PTPRD: variants seen among roughly 807,000 people sequenced by gnomAD.
PTPRD encodes protein tyrosine phosphatase receptor type D, also known as receptor-type tyrosine-protein phosphatase delta.
A neutral mutation model predicts 214.5 loss-of-function variants in PTPRD; 34 were observed. The observed-to-expected ratio is 0.16, with a 90% CI of 0.12 to 0.21. The LOEUF (loss-of-function observed/expected upper bound fraction) is 0.21. Among genes scored for constraint, PTPRD ranks in the 10% least tolerant of loss-of-function variants. The pLI is 1.00. For missense variants in PTPRD, 2,545 were observed against 2,398.7 expected (o/e 1.06, Z -1.27); for synonymous variants, 1,128 against 845.7 (o/e 1.33, Z -5.79).
chr9:9,557,230 G>T (rs2081757973), intron 8 of PTPRD, among the ~76,000 whole-genome samples: 2 of 152,124 alleles, frequency 1.3e-5, no homozygotes, highest in Non-Finnish European at 2.9e-5. Flanking sequence ...TGATGGAAGG[G>T]GGGAAGGGTG....
intron 21 of PTPRD, among the ~76,000 whole-genome samples, chr9:8,510,407 G>A (rs1379631757): frequency 2.0e-5 from 3 of 152,198 alleles, no homozygotes; most frequent in South Asian, 2.1e-4. Flanking sequence ...CTGGGGCCCG[G>A]TGGAGAGTGC....
chr9:9,503,183 C>T (rs750441677), intron 8 of PTPRD, among the ~76,000 whole-genome samples: 8 of 151,684 alleles, frequency 5.3e-5, no homozygotes, highest in African/African-American at 9.7e-5. Context: ...CTCTCAGATA[C>T]TCCTTTTTGA....
intron 5 of PTPRD, among the ~76,000 whole-genome samples, chr9:9,869,272 G>T (rs562652735): frequency 6.6e-6 from 1 of 152,224 alleles, no homozygotes; most frequent in South Asian, 2.1e-4. Flanking sequence ...TGGAAGTCTT[G>T]CTAACAAATG....
chr9:10,362,628 T>C (rs148963425), intron 2 of PTPRD, among the ~76,000 whole-genome samples: 3 of 152,250 alleles, frequency 2.0e-5, no homozygotes, highest in African/African-American at 7.2e-5. Flanking sequence ...ACGCCTGGAA[T>C]CCCAGCACTT....
In PTPRD at chr9:10,146,520, T is replaced by C. The variant is rs186183634; in HGVS notation, c.-544-112730A>G. 8.1e-4 allele frequency among the ~76,000 whole-genome samples: 124 copies of C among 152,234 alleles called. 3 individuals are homozygous for C. The South Asian group carries it at 0.024, about 29-fold the overall frequency. On this transcript the variant is annotated intron_variant, in intron 3 of 45. Transcript: ENST00000381196. ...GACCTCAGGGAATAAGAATGCAGGT[T>C]GTGCCAAGAAGCTAAAGATCATAGG...
intron 2 of PTPRD, among the ~76,000 whole-genome samples, chr9:10,574,491 T>C (rs1341336531): frequency 1.3e-5 from 2 of 151,996 alleles, no homozygotes; most frequent in African/African-American, 4.8e-5. Flanking sequence ...GTCTTCAGGT[T>C]CTTATCAGTA....
chr9:9,521,370 C>T (rs572637844), intron 8 of PTPRD, among the ~76,000 whole-genome samples: 2 of 152,256 alleles, frequency 1.3e-5, no homozygotes, highest in African/African-American at 4.8e-5. Flanking sequence ...CCATTTGTCA[C>T]CCACATTCAG....
chr9:8,381,104 G>T (rs1266212798), intron 37 of PTPRD, among the ~76,000 whole-genome samples: 1 of 152,116 alleles, frequency 6.6e-6, no homozygotes. Flanking sequence ...CATAACTATT[G>T]CTAAAAGTGA....
At chr9:9,749,931 A>G (rs1308105960) in intron 6 of PTPRD, among the ~76,000 whole-genome samples, 1 of 152,174 alleles carries the variant, frequency 6.6e-6, no homozygotes, top group African/African-American at 2.4e-5. Context: ...TTCACTGCCT[A>G]TATAAAATAA....
chr9:9,318,267 G>C (rs1964477861), intron 9 of PTPRD, among the ~76,000 whole-genome samples: 1 of 147,726 alleles, frequency 6.8e-6, no homozygotes. Flanking sequence ...CTCAATACTT[G>C]TTAAAAACAA....
intron 3 of PTPRD, among the ~76,000 whole-genome samples, chr9:10,290,478 C>G (rs1353284937): frequency 6.6e-6 from 1 of 152,130 alleles, no homozygotes; most frequent in Non-Finnish European, 1.5e-5. Context: ...GTAGTTGTAT[C>G]ACAGTGCAGC....
At chr9:9,951,797 A>G (rs146636367) in intron 4 of PTPRD, among the ~76,000 whole-genome samples, 65 of 152,342 alleles carry the variant, frequency 4.3e-4, no homozygotes, top group African/African-American at 1.4e-3. Flanking sequence ...GCCAGTATTT[A>G]TAGCAGGAAA....
chr9:10,497,150 G>A (rs541055920), intron 2 of PTPRD, among the ~76,000 whole-genome samples: 1 of 151,834 alleles, frequency 6.6e-6, no homozygotes, highest in Non-Finnish European at 1.5e-5. Flanking sequence ...GCTAATAGAG[G>A]GTGGAGGGAG....
At chr9:9,475,132 T>C (rs2094930528) in intron 8 of PTPRD, among the ~76,000 whole-genome samples, 1 of 152,206 alleles carries the variant, frequency 6.6e-6, no homozygotes, top group Non-Finnish European at 1.5e-5. Context: ...CTTAACATAG[T>C]TTCTAAATAT....
chr9:9,548,909 C>T (rs189585963), intron 8 of PTPRD, among the ~76,000 whole-genome samples: 124 of 152,110 alleles, frequency 8.2e-4, no homozygotes, highest in Non-Finnish European at 1.4e-3. Flanking sequence ...ACATTTTTAC[C>T]ATTATATTCA....
chr9:9,952,526 G>C (rs968759157), intron 4 of PTPRD, among the ~76,000 whole-genome samples: 1 of 152,124 alleles, frequency 6.6e-6, no homozygotes, highest in African/African-American at 2.4e-5. Context: ...ATGGAAGATT[G>C]TTTCTCACTC....
chr9:8,477,577 G>A (rs547438778), intron 30 of PTPRD, among the ~76,000 whole-genome samples: 56 of 152,248 alleles, frequency 3.7e-4, no homozygotes, highest in South Asian at 8.3e-4. Flanking sequence ...TGAAAAGTCC[G>A]TCTAGGAGTT....
intron 29 of PTPRD, 30 bp downstream of exon 29, chr9:8,485,197 T>C (rs1308012028): frequency 3.8e-6 from 6 of 1,586,618 alleles, no homozygotes; most frequent in Non-Finnish European, 5.2e-6. Flanking sequence ...CTTTTATCTG[T>C]GATTTCTTAC....
At chr9:10,416,954 A>G (rs1056945581) in intron 2 of PTPRD, among the ~76,000 whole-genome samples, 4 of 151,922 alleles carry the variant, frequency 2.6e-5, no homozygotes, top group African/African-American at 9.7e-5. Context: ...ATTTTGCAGG[A>G]ACTCTCTGAA....
Sources: allele counts gnomAD v4.1 joint callset (sites outside exome capture counted in the v4.1 genomes callset), GRCh38; gene constraint gnomAD v4.1.1; transcripts MANE v1.5; gene names NCBI Gene and HGNC (gene_info 2026-07-23, HGNC 2026-07-21).